Variants in CBFB observed in about 807,000 individuals in gnomAD.
CBFB encodes the protein CBF-beta.
Under a neutral mutation model 30.4 loss-of-function variants are expected in CBFB, and 9 were observed. The ratio of observed to expected loss-of-function variants is 0.30; its 90% confidence interval spans 0.18 to 0.52. CBFB has a LOEUF of 0.52. Ranked by LOEUF, CBFB falls within the 20% of genes least tolerant of loss-of-function variation. The pLI, the probability that CBFB is intolerant of heterozygous loss-of-function variation, is 0.97. For synonymous variants in CBFB, 94 were observed against 84.0 expected, an observed-to-expected ratio of 1.12 and a Z score of -0.65; for missense variants, 170 against 244.0, an observed-to-expected ratio of 0.70 and a Z score of 2.02.
At chr16:67,074,605 T>C (rs1448093932) in intron 4 of CBFB, among the ~76,000 whole-genome samples, 1 of 152,002 alleles carries the variant, frequency 6.6e-6, no homozygotes, top group Non-Finnish European at 1.5e-5. Context: ...CTGGTCTCGA[T>C]CTCTTGACCT....
In CBFB at chr16:67,029,292, G is replaced by A; in HGVS notation, c.-116G>A. 3.2e-6 allele frequency: 2 copies of A among 615,782 alleles called. No homozygotes were observed. Among genetic ancestry groups the A allele is most frequent in the Non-Finnish European group, 4.7e-6 (2 of 423,938 alleles). 38.1% of individuals were successfully genotyped at this position (615,782 alleles called of 1,614,324 possible). Reference sequence around the variant, plus strand: ...ACGCGGGCGGGCGCCTGAAACAAAGGGAAGCGGGCGTCCGGGCGCCGCGGG... The same window carrying A: ...ACGCGGGCGGGCGCCTGAAACAAAGAGAAGCGGGCGTCCGGGCGCCGCGGG... On this transcript the variant is annotated 5_prime_UTR_variant, in exon 1 of 6. Coordinates refer to ENST00000412916, the MANE Select transcript of CBFB (RefSeq NM_022845.3).
At chr16:67,075,197 A>ATATGTGTGTGTGTGTGTGTGTGTGTG in intron 4 of CBFB, among the ~76,000 whole-genome samples, 1 of 142,662 alleles carries the variant, frequency 7.0e-6, no homozygotes, top group Non-Finnish European at 1.5e-5. Context: ...CTCAAAAAAA[A>ATATGTGTGTGTGTGTGTGTGTGTGTG]TGTGTGTGTG....
intron 3 of CBFB, among the ~76,000 whole-genome samples, chr16:67,056,874 G>T (rs571233956): frequency 6.6e-6 from 1 of 152,142 alleles, no homozygotes; most frequent in Non-Finnish European, 1.5e-5. Flanking sequence ...TAGAGACGGG[G>T]TTTCACCATG....
intron 1 of CBFB, 78 bp downstream of exon 1, chr16:67,029,563 C>T (rs1966294407): frequency 4.1e-6 from 6 of 1,449,986 alleles, no homozygotes; most frequent in Admixed American, 2.1e-5. Flanking sequence ...TTGGGCGGCA[C>T]GGTCCCCGGG....
At chr16:67,092,065 C>G (rs559148188) in intron 5 of CBFB, among the ~76,000 whole-genome samples, 18 of 152,254 alleles carry the variant, frequency 1.2e-4, no homozygotes, top group South Asian at 6.2e-4. Flanking sequence ...CCCCTTCCCC[C>G]CTACCCCTTG....
At position 67,094,248 on chromosome 16, in the gene CBFB, G is replaced by A. The variant is rs565581514; in HGVS notation, c.496-4462G>A. Reference sequence around the variant, plus strand: ...GCTGGAATTACTAGTGTGAGCCACCGTGTCCGGGCCCCTCATTTTTGTTCC... The same window carrying A: ...GCTGGAATTACTAGTGTGAGCCACCATGTCCGGGCCCCTCATTTTTGTTCC... On this transcript the variant is annotated intron_variant, in intron 5 of 5. Coordinates refer to ENST00000412916, the MANE Select transcript of CBFB (RefSeq NM_022845.3). Among the ~76,000 whole-genome samples, 15 of 151,466 alleles carry A rather than the reference G, an allele frequency of 9.9e-5. No homozygotes were observed. The South Asian group carries it at 2.7e-3, about 27-fold the overall frequency.
chr16:67,079,933 G>A (rs903804262), intron 4 of CBFB, among the ~76,000 whole-genome samples: 3 of 152,130 alleles, frequency 2.0e-5, no homozygotes, highest in South Asian at 2.1e-4. Flanking sequence ...AATCACTTGA[G>A]GTCAGGAGTT....
At chr16:67,052,160 G>A (rs767995347) in intron 3 of CBFB, among the ~76,000 whole-genome samples, 7 of 152,136 alleles carry the variant, frequency 4.6e-5, no homozygotes, top group East Asian at 1.9e-4. Context: ...GATTGCAGGC[G>A]TGAGCCACTG....
rs573870131 is a variant in CBFB at position 67,065,253 on chromosome 16, T to C, written c.283-1429T>C. 9.2e-4 allele frequency among the ~76,000 whole-genome samples: 140 copies of C among 152,338 alleles called. 2 individuals carry two copies. Among genetic ancestry groups the C allele is most frequent in the Admixed American group, 9.8e-4 (15 of 15,294 alleles). ...AGGTTCACCAGATGAGAGATACTTT[T>C]GGTTTCAGGAATCTTGAAGATCTTT... On this transcript the variant is annotated intron_variant, in intron 3 of 5. Transcript: ENST00000412916.
chr16:67,058,266 G>T (rs974514438), intron 3 of CBFB, among the ~76,000 whole-genome samples: 4 of 152,148 alleles, frequency 2.6e-5, no homozygotes, highest in Admixed American at 2.6e-4. Context: ...TCAGCCTCCT[G>T]AGTAGCTGGG....
At chr16:67,034,377 C>G (rs529454282) in intron 2 of CBFB, among the ~76,000 whole-genome samples, 1 of 152,256 alleles carries the variant, frequency 6.6e-6, no homozygotes, top group Admixed American at 6.5e-5. Flanking sequence ...AGGCGTCATA[C>G]TAGTGTAGCA....
chr16:67,067,927 AGCTGTGT>A (rs1961103879), intron 4 of CBFB, among the ~76,000 whole-genome samples: 2 of 152,288 alleles, frequency 1.3e-5, no homozygotes, highest in South Asian at 2.1e-4. Flanking sequence ...TCATCCAGAA[AGCTGTGT>A]GCATGTACAA....
At chr16:67,041,768 C>CTTTTTT (rs140180530) in intron 3 of CBFB, among the ~76,000 whole-genome samples, 2 of 98,890 alleles carry the variant, frequency 2.0e-5, no homozygotes, top group African/African-American at 3.9e-5. Flanking sequence ...TGTTTCTTTA[C>CTTTTTT]TTTTTTTTTT....
In CBFB at chr16:67,088,313, AAG is replaced by A. The variant is rs1377933185; in HGVS notation, c.495+6009_495+6010del. Among the ~76,000 whole-genome samples, 19 of 152,316 alleles carry A rather than the reference AAG, an allele frequency of 1.2e-4. No homozygotes were observed. In the South Asian group the frequency reaches 3.7e-3, roughly 30 times the overall value. On this transcript the variant is annotated intron_variant, in intron 5 of 5. Transcript: ENST00000412916. ...TGCAGTTTACCTTCTTTTTCCTAAA[AAG>A]AGAATATTGGAGAAAAATGTTGTTT... is the stretch of plus-strand genomic sequence containing the variant.
intron 1 of CBFB, 34 bp downstream of exon 1, chr16:67,029,519 A>G: frequency 6.4e-7 from 1 of 1,561,984 alleles, no homozygotes; most frequent in Non-Finnish European, 8.7e-7. Context: ...AGGAGGCCGC[A>G]GCGCGCCCCG....
At chr16:67,033,329 C>CT (rs1170278424) in intron 2 of CBFB, among the ~76,000 whole-genome samples, 1 of 152,164 alleles carries the variant, frequency 6.6e-6, no homozygotes, top group Non-Finnish European at 1.5e-5. Context: ...GTCGAAGAAT[C>CT]TGTAGTAGAA....
chr16:67,047,965 A>T (rs1015377472), intron 3 of CBFB, among the ~76,000 whole-genome samples: 2 of 152,174 alleles, frequency 1.3e-5, no homozygotes, highest in East Asian at 1.9e-4. Flanking sequence ...GCTGCTCGGG[A>T]GGCTAAGGCA....
At chr16:67,045,296 A>C (rs1966604530) in intron 3 of CBFB, among the ~76,000 whole-genome samples, 1 of 152,122 alleles carries the variant, frequency 6.6e-6, no homozygotes. Flanking sequence ...CAGGTGGATC[A>C]CCTGAGGTCA....
At chr16:67,076,422 A>G (rs761065473) in intron 4 of CBFB, among the ~76,000 whole-genome samples, 4 of 152,190 alleles carry the variant, frequency 2.6e-5, no homozygotes, top group Non-Finnish European at 4.4e-5. Context: ...CACATGTTAT[A>G]TGAATCGATT....
Sources: gnomAD v4.1 joint callset for allele counts (sites outside exome capture counted in the v4.1 genomes callset) on GRCh38, gnomAD v4.1.1 for gene constraint, MANE v1.5 for transcripts, NCBI Gene and HGNC (gene_info 2026-07-23, HGNC 2026-07-21) for gene names.